Variants in TEX14 observed in about 807,000 individuals in gnomAD.
TEX14 encodes testis expressed 14, intercellular bridge forming factor.
A neutral mutation model predicts 178.6 loss-of-function variants in TEX14; 168 were observed. That is an observed-to-expected ratio of 0.94 (90% CI 0.83 to 1.07). The LOEUF is 1.07. Ranked by LOEUF, TEX14 falls within the 50% of genes least tolerant of loss-of-function variation. The pLI, the probability that TEX14 is intolerant of heterozygous loss-of-function variation, is 0.00. For synonymous variants in TEX14, 626 were observed against 634.1 expected, an observed-to-expected ratio of 0.99 and a Z score of 0.19; for missense variants, 1,730 against 1,753.6, an observed-to-expected ratio of 0.99 and a Z score of 0.24.
chr17:58,623,124 G>A (rs998268990), intron 3 of TEX14, 112 bp from the exon 4 acceptor site: 89 of 911,022 alleles, frequency 9.8e-5, no homozygotes, highest in African/African-American at 2.7e-4. Flanking sequence ...CGTTGGTGAC[G>A]AGGAATATAA....
At chr17:58,567,696 G>A (rs142566737) in intron 26 of TEX14, 1 of 152,342 alleles carries the variant, frequency 6.6e-6, no homozygotes, top group Non-Finnish European at 1.5e-5. Flanking sequence ...CTACTCAAGT[G>A]CCCTCTGCCC....
chr17:58,577,311 C>A, intron 21 of TEX14, 64 bp downstream of exon 21: 2 of 640,050 alleles, frequency 3.1e-6, no homozygotes, highest in East Asian at 3.1e-5. Context: ...AAACACGGAG[C>A]ATTATCACCA....
chr17:58,623,163 G>T, intron 3 of TEX14, 151 bp from the exon 4 acceptor site: 1 of 597,448 alleles, frequency 1.7e-6, no homozygotes, highest in Non-Finnish European at 2.9e-6. Context: ...CCCTGTCTGT[G>T]CCCACAGGAA....
intron 1 of TEX14, among the ~76,000 whole-genome samples, chr17:58,685,407 GC>G (rs1434554179): frequency 1.3e-5 from 2 of 150,976 alleles, no homozygotes; most frequent in Non-Finnish European, 2.9e-5. Flanking sequence ...CCGCACTCCA[GC>G]CTGGGCAGCA....
intron 20 of TEX14, among the ~76,000 whole-genome samples, chr17:58,577,805 CA>C (rs2044715392): frequency 6.6e-6 from 1 of 152,188 alleles, no homozygotes; most frequent in Non-Finnish European, 1.5e-5. Context: ...CAACAGACGC[CA>C]GGGGGCGTTG....
intron 19 of TEX14, among the ~76,000 whole-genome samples, chr17:58,583,975 CTA>C (rs2044888285): frequency 6.6e-6 from 1 of 152,202 alleles, no homozygotes; most frequent in African/African-American, 2.4e-5. Context: ...TCTGGCTGCG[CTA>C]TGGCCTAGAG....
chr17:58,621,911 A>G (rs2046007692), intron 4 of TEX14, 125 bp from the exon 5 acceptor site: 22 of 1,085,722 alleles, frequency 2.0e-5, no homozygotes, highest in African/African-American at 3.1e-5. Flanking sequence ...TCAAAAGGAA[A>G]GGGCCCAGGT....
intron 3 of TEX14, among the ~76,000 whole-genome samples, chr17:58,627,913 CTTTTTTTTTTTTT>C (rs1172697593): frequency 1.3e-5 from 1 of 75,672 alleles, no homozygotes; most frequent in East Asian, 3.9e-4. Context: ...CCCATGCCAC[CTTTTTTTTTTTTT>C]TTTTTTTTTT....
At position 58,571,954 on chromosome 17, in the gene TEX14, G is replaced by A. The variant is rs2044541055; in HGVS notation, c.3684C>T (p.Ser1228=). ...RAKKLDSLLT[S]SETPPSRLTG... ...TCAGTCTTGAAGGGGGAGTTTCAGAGGAAGTAAGGAGAGAATCCAGTTTCT... is the reference window on the plus strand; with the variant it reads ...TCAGTCTTGAAGGGGGAGTTTCAGAAGAAGTAAGGAGAGAATCCAGTTTCT... Residue 1228 remains serine (S), a synonymous_variant, in exon 24 of 32, where the codon TCC becomes TCT. Transcript: ENST00000349033. 6.2e-7 allele frequency: 1 copy of A among 1,614,108 alleles called. No individual in the cohort carries two copies. The highest frequency in any genetic ancestry group is 1.1e-5 in the South Asian group (1 of 91,084).
chr17:58,571,918 T>C lies in TEX14; in HGVS notation c.3717+3A>G, dbSNP rs774516557. The C allele has an allele frequency of 5.0e-6, 8 of 1,613,336 alleles. No homozygotes were observed. In the African/African-American group the frequency reaches 8.0e-5, roughly 16 times the overall value. On this transcript the variant is annotated splice_donor_region_variant and intron_variant, in intron 24 of 31. Coordinates refer to ENST00000349033, the MANE Select transcript of TEX14 (RefSeq NM_031272.5). ...GTTTGTAACGTGGAATTGATATACT[T>C]ACAAGACCAGTCAGTCTTGAAGGGG...
At chr17:58,666,031 G>A (rs1290372726) in intron 1 of TEX14, among the ~76,000 whole-genome samples, 6 of 148,782 alleles carry the variant, frequency 4.0e-5, no homozygotes, top group South Asian at 2.1e-4. Flanking sequence ...CCTGGGAGAC[G>A]GCGAGACTCT....
rs1598361215 is a variant in TEX14 at position 58,588,012 on chromosome 17, T to C, written c.2586A>G (p.Arg862=). 3 of 1,158,460 alleles carry C rather than the reference T, an allele frequency of 2.6e-6. 1 individual carries two copies. The South Asian group carries it at 3.7e-5, about 14-fold the overall frequency. The allele number at this position is 1,158,460 out of a possible 1,614,324, so 71.8% of individuals were successfully genotyped here. ...TGGCTTGGGCAGTGGACTCTCTAGG[T>C]CTTCCCTGGCTAAGAAATGAAAGGA... is the stretch of plus-strand genomic sequence containing the variant. ...SRIQNTSSQG[R]PRESTAQAKA... Residue 862 remains arginine (R), a synonymous_variant, in exon 16 of 32, where the codon AGA becomes AGG. Coordinates refer to ENST00000349033, the MANE Select transcript of TEX14 (RefSeq NM_031272.5).
chr17:58,619,857 TA>T (rs1019879258), intron 5 of TEX14, among the ~76,000 whole-genome samples: 191 of 151,750 alleles, frequency 1.3e-3, no homozygotes, highest in African/African-American at 4.2e-3. Context: ...AGCATTCCAT[TA>T]ACCCCGTAAG....
Position 58,599,611 on chromosome 17 carries a change from ATCTAGTGTCCCC to A in TEX14, c.1722_1733del (p.Glu574_Leu577del). The A allele has an allele frequency of 1.2e-6, 2 of 1,613,950 alleles. No individual in the cohort carries two copies. The stretch of plus-strand genomic sequence containing the variant: ...TCAGACATGGATCTGGGGCCTGAGG[ATCTAGTGTCCCC>A]TCAGTGAATAAAGAGTGAACCCTTG... On this transcript the variant is annotated inframe_deletion, in exon 14 of 32. Coordinates refer to ENST00000349033, the MANE Select transcript of TEX14 (RefSeq NM_031272.5).
In TEX14 at chr17:58,616,234, A is replaced by G. The variant is rs1243209715; in HGVS notation, c.708T>C (p.Ile236=). ...AGAAGGTGGGCTCATCATCAGCTTG[A>G]ATCACTTCCTTTTCTCCAATGACCG... ...SLPVIGEKEV[I]QADDEPTFSF... is the part of the protein sequence containing the mutation. The change falls in exon 7 of 32, where the codon ATT becomes ATC. Residue 236 remains isoleucine, a synonymous_variant. Transcript: ENST00000349033. 1 of 1,614,020 alleles carries G rather than the reference A, an allele frequency of 6.2e-7. No homozygotes were observed. The highest frequency in any genetic ancestry group is 2.2e-5 in the East Asian group (1 of 44,872).
chr17:58,579,816 A>C (rs1393240943), intron 19 of TEX14, 85 bp from the exon 20 acceptor site: 2 of 1,040,668 alleles, frequency 1.9e-6, no homozygotes, highest in Non-Finnish European at 2.9e-6. Flanking sequence ...TGATGTTCTT[A>C]AATCTTGAAA....
intron 31 of TEX14, 24 bp from the exon 32 acceptor site, chr17:58,557,071 C>A (rs1327883711): frequency 1.1e-5 from 18 of 1,609,406 alleles, no homozygotes. Context: ...TTTTAAAGAA[C>A]AAAAAAGGAA....
chr17:58,680,640 G>A (rs2047485622), intron 1 of TEX14, among the ~76,000 whole-genome samples: 1 of 152,026 alleles, frequency 6.6e-6, no homozygotes, highest in South Asian at 2.1e-4. Flanking sequence ...TACTCAAGAG[G>A]CAGGAGAACC....
chr17:58,570,326 A>C (rs1026218435), intron 25 of TEX14, 59 bp downstream of exon 25: 1 of 1,085,412 alleles, frequency 9.2e-7, no homozygotes, highest in African/African-American at 1.6e-5. Flanking sequence ...AAGATTGATA[A>C]GCATCAATTT....
Sources: allele counts gnomAD v4.1 joint callset (sites outside exome capture counted in the v4.1 genomes callset), GRCh38; gene constraint gnomAD v4.1.1; transcripts MANE v1.5; gene names NCBI Gene and HGNC (gene_info 2026-07-23, HGNC 2026-07-21).